Variants in ZNF676 observed in about 807,000 individuals in gnomAD.
The protein encoded by ZNF676 is zinc finger protein 676.
Under a neutral mutation model 6.0 loss-of-function variants are expected in ZNF676, and 4 were observed. The observed-to-expected ratio is 0.67, with a 90% CI of 0.33 to 1.53. The LOEUF (loss-of-function observed/expected upper bound fraction) is 1.53, where lower values mean the gene tolerates loss of function less well. Ranked by LOEUF, ZNF676 falls within the 40% of genes most tolerant of loss-of-function variation. The probability of loss-of-function intolerance (pLI) is 0.06; values close to 1 mark genes in which losing one functional copy is unlikely to be tolerated. For missense variants in ZNF676, 644 were observed against 679.7 expected (o/e 0.95, Z 0.58); for synonymous variants, 198 against 223.1 (o/e 0.89, Z 1.00).
chr19:22,228,324 C>T, the ZNF676 span, among the ~76,000 whole-genome samples: 1 of 152,160 alleles, frequency 6.6e-6, no homozygotes, highest in African/African-American at 2.4e-5. Context: ...GCTAAAAACT[C>T]TCAATAAACT....
chr19:22,250,182 CAA>C, the ZNF676 span, among the ~76,000 whole-genome samples: 9 of 113,666 alleles, frequency 7.9e-5, no homozygotes, highest in African/African-American at 6.5e-5. Context: ...AACTCCATCT[CAA>C]AAAAAAAAAA....
intron 2 of ZNF676, among the ~76,000 whole-genome samples, chr19:22,189,600 AAAAAT>A (rs1160707942): frequency 6.6e-6 from 1 of 152,180 alleles, no homozygotes; most frequent in Non-Finnish European, 1.5e-5. Flanking sequence ...AGAATGGGAG[AAAAAT>A]TTTGCAATCT....
At chr19:22,256,165 A>C in the ZNF676 span, among the ~76,000 whole-genome samples, 1 of 152,190 alleles carries the variant, frequency 6.6e-6, no homozygotes, top group Non-Finnish European at 1.5e-5. Context: ...CAATTTTCCT[A>C]AGCCTAGCTA....
At chr19:22,248,791 G>A in the ZNF676 span, among the ~76,000 whole-genome samples, 34 of 151,698 alleles carry the variant, frequency 2.2e-4, no homozygotes, top group Non-Finnish European at 3.7e-4. Flanking sequence ...GTGCCATGGC[G>A]CATTCTTGGC....
chr19:22,244,174 G>C, the ZNF676 span: 3 of 151,892 alleles, frequency 2.0e-5, no homozygotes, highest in African/African-American at 7.3e-5. Flanking sequence ...CTCTTGAGTA[G>C]CTGGGATTAC....
chr19:22,212,415 G>A (rs992382330), intron 1 of ZNF676, among the ~76,000 whole-genome samples: 1 of 151,600 alleles, frequency 6.6e-6, no homozygotes, highest in Non-Finnish European at 1.5e-5. Flanking sequence ...AAAAAACTGA[G>A]GTCAGCCGGG....
chr19:22,254,475 T>C, the ZNF676 span, among the ~76,000 whole-genome samples: 1 of 152,136 alleles, frequency 6.6e-6, no homozygotes, highest in Admixed American at 6.5e-5. Flanking sequence ...CCCAGCTATA[T>C]GTAACAATAC....
At chr19:22,228,257 G>A in the ZNF676 span, among the ~76,000 whole-genome samples, 5 of 151,940 alleles carry the variant, frequency 3.3e-5, no homozygotes, top group South Asian at 2.1e-4. Flanking sequence ...CAAAAACCAC[G>A]TGATTATCTC....
At chr19:22,184,341 T>C (rs890959131) in intron 2 of ZNF676, among the ~76,000 whole-genome samples, 8 of 152,150 alleles carry the variant, frequency 5.3e-5, no homozygotes, top group African/African-American at 1.9e-4. Flanking sequence ...TACTGTGCTT[T>C]TCCATGGTCT....
chr19:22,242,148 T>C, the ZNF676 span, among the ~76,000 whole-genome samples: 1 of 151,956 alleles, frequency 6.6e-6, no homozygotes, highest in African/African-American at 2.4e-5. Context: ...ATGAGAGTTA[T>C]TATTGCACCT....
chr19:22,214,452 TA>T (rs1368801631), intron 1 of ZNF676, among the ~76,000 whole-genome samples: 5 of 151,030 alleles, frequency 3.3e-5, no homozygotes, highest in African/African-American at 1.2e-4. Context: ...CCGTCCCTAT[TA>T]AAAATACAAG....
At chr19:22,230,987 A>G in the ZNF676 span, among the ~76,000 whole-genome samples, 2 of 152,010 alleles carry the variant, frequency 1.3e-5, no homozygotes, top group Non-Finnish European at 2.9e-5. Context: ...ATTTTCTTGG[A>G]TAGATATTCA....
At chr19:22,191,911 C>T (rs1338328939) in intron 2 of ZNF676, among the ~76,000 whole-genome samples, 1 of 152,180 alleles carries the variant, frequency 6.6e-6, no homozygotes, top group Admixed American at 6.6e-5. Flanking sequence ...CAAATTCAGA[C>T]ACCAATGCAA....
the ZNF676 span, among the ~76,000 whole-genome samples, chr19:22,226,456 C>T: frequency 1.1e-4 from 17 of 152,034 alleles, no homozygotes; most frequent in East Asian, 9.6e-4. Context: ...ATAGAAATTA[C>T]GTCAAATTTG....
At chr19:22,205,086 A>C (rs1215133580) in intron 1 of ZNF676, among the ~76,000 whole-genome samples, 1 of 152,152 alleles carries the variant, frequency 6.6e-6, no homozygotes, top group African/African-American at 2.4e-5. Flanking sequence ...TGTGCACTTA[A>C]AAGAATGTTT....
chr19:22,258,795 G>A, the ZNF676 span, among the ~76,000 whole-genome samples: 3 of 152,072 alleles, frequency 2.0e-5, no homozygotes, highest in Non-Finnish European at 4.4e-5. Flanking sequence ...TCAGCGATGT[G>A]TCACAATCCT....
intron 2 of ZNF676, among the ~76,000 whole-genome samples, chr19:22,185,708 A>G (rs2023828777): frequency 6.6e-6 from 1 of 152,196 alleles, no homozygotes; most frequent in Non-Finnish European, 1.5e-5. Flanking sequence ...GGAGATGAAA[A>G]ACACAGCACG....
At chr19:22,228,736 G>A in the ZNF676 span, among the ~76,000 whole-genome samples, 2 of 152,276 alleles carry the variant, frequency 1.3e-5, no homozygotes, top group Admixed American at 1.3e-4. Flanking sequence ...GCCAAATCAT[G>A]ACTGAGCTCC....
upstream of ZNF676, among the ~76,000 whole-genome samples, chr19:22,216,647 T>C (rs767664685): frequency 1.1e-4 from 16 of 151,976 alleles, no homozygotes; most frequent in Non-Finnish European, 2.1e-4. Flanking sequence ...CCTTAAGCTG[T>C]TTTTTGAGAC....
Sources: allele counts gnomAD v4.1 joint callset (sites outside exome capture counted in the v4.1 genomes callset), GRCh38; gene constraint gnomAD v4.1.1; transcripts MANE v1.5; gene names NCBI Gene and HGNC (gene_info 2026-07-23, HGNC 2026-07-21).